GPHN: variants seen among roughly 807,000 people sequenced by gnomAD.
GPHN encodes the protein gephyrin.
GPHN carries 17 observed loss-of-function variants against 95.5 expected under a neutral mutation model. The ratio of observed to expected loss-of-function variants is 0.18; its 90% CI spans 0.12 to 0.27. The LOEUF (loss-of-function observed/expected upper bound fraction) is 0.27, where lower values mean the gene tolerates loss of function less well. Ranked by LOEUF, GPHN falls within the 10% of genes least tolerant of loss-of-function variation. The pLI is 1.00. For missense variants in GPHN, 660 were observed against 978.1 expected, an observed-to-expected ratio of 0.67 and a Z score of 4.34; for synonymous variants, 320 against 322.5, an observed-to-expected ratio of 0.99 and a Z score of 0.08.
chr14:67,668,777 A>G, the GPHN span, among the ~76,000 whole-genome samples: 1 of 152,212 alleles, frequency 6.6e-6, no homozygotes, highest in African/African-American at 2.4e-5. Context: ...TTCTGATTCA[A>G]TAGGTCTGGG....
At chr14:67,717,584 G>C in the GPHN span, among the ~76,000 whole-genome samples, 1 of 152,212 alleles carries the variant, frequency 6.6e-6, no homozygotes, top group Non-Finnish European at 1.5e-5. Flanking sequence ...ACATTCTGGA[G>C]GGCAGTGGTT....
the GPHN span, among the ~76,000 whole-genome samples, chr14:67,235,970 G>T: frequency 3.3e-5 from 5 of 151,846 alleles, no homozygotes; most frequent in Admixed American, 3.3e-4. Flanking sequence ...AAATTAAATT[G>T]ATAAAAATTA....
chr14:66,763,933 G>C (rs1196537245), intron 2 of GPHN, among the ~76,000 whole-genome samples: 1 of 152,170 alleles, frequency 6.6e-6, no homozygotes, highest in Non-Finnish European at 1.5e-5. Flanking sequence ...GACCTACATT[G>C]TGTGCGCCTT....
At chr14:67,390,257 A>T in the GPHN span, among the ~76,000 whole-genome samples, 3 of 152,236 alleles carry the variant, frequency 2.0e-5, no homozygotes, top group African/African-American at 7.2e-5. Flanking sequence ...TTCAAAACAT[A>T]GGTGGGGAAA....
chr14:67,703,539 G>A, the GPHN span, among the ~76,000 whole-genome samples: 2 of 152,180 alleles, frequency 1.3e-5, no homozygotes, highest in African/African-American at 2.4e-5. Flanking sequence ...GAGGTAGACA[G>A]AGAACTTAGA....
the GPHN span, among the ~76,000 whole-genome samples, chr14:67,371,446 G>A: frequency 3.3e-5 from 5 of 151,846 alleles, no homozygotes; most frequent in Non-Finnish European, 7.4e-5. Flanking sequence ...TTAAGGAGGC[G>A]GGAACACTTT....
chr14:67,432,999 CTTG>C, the GPHN span, among the ~76,000 whole-genome samples: 1 of 152,192 alleles, frequency 6.6e-6, no homozygotes, highest in Non-Finnish European at 1.5e-5. Context: ...TTCTGAGCTT[CTTG>C]TTGAGCTTGA....
At chr14:67,320,162 A>C in the GPHN span, 2 of 1,420,496 alleles carry the variant, frequency 1.4e-6, no homozygotes, top group Admixed American at 2.4e-5. Flanking sequence ...GTGAAGATCT[A>C]TGAGTATTTA....
Position 66,845,198 on chromosome 14 carries a change from A to T in GPHN, c.294+20632A>T, listed in dbSNP as rs538911174. ...CTCCTACAAACATTGGCATGCAAGTATCTGTTTTTCTTTTGGTTATATAAC... is the reference window on the plus strand; with the variant it reads ...CTCCTACAAACATTGGCATGCAAGTTTCTGTTTTTCTTTTGGTTATATAAC... On this transcript the variant is annotated intron_variant, in intron 4 of 22. Transcript: ENST00000478722. 2.4e-3 allele frequency among the ~76,000 whole-genome samples: 365 copies of T among 152,324 alleles called. 4 individuals carry two copies. Among genetic ancestry groups the T allele is most frequent in the African/African-American group, 8.3e-3 (344 of 41,568 alleles).
In GPHN at chr14:67,125,711, G is replaced by A. The variant is rs564864082; in HGVS notation, c.1748+3334G>A. On this transcript the variant is annotated intron_variant, in intron 17 of 22. Coordinates refer to ENST00000478722, the MANE Select transcript of GPHN (RefSeq NM_020806.5). Reference sequence around the variant, plus strand: ...GGAATCGCTTGAATGTGGGAGGTGGGGGTTGCAGTGAGCCAACATCGTGCC... The same window carrying A: ...GGAATCGCTTGAATGTGGGAGGTGGAGGTTGCAGTGAGCCAACATCGTGCC... Among the ~76,000 whole-genome samples the A allele has an allele frequency of 5.8e-3, 875 of 151,852 alleles. 14 individuals carry two copies. The highest frequency in any genetic ancestry group is 0.02 in the African/African-American group (832 of 41,402).
chr14:67,225,281 TAA>T, the GPHN span: 3 of 1,464,404 alleles, frequency 2.0e-6, no homozygotes, highest in East Asian at 5.1e-5. Flanking sequence ...TTTTTAATTA[TAA>T]GTCTCTATAG....
chr14:67,528,964 T>C, the GPHN span, among the ~76,000 whole-genome samples: 3 of 152,126 alleles, frequency 2.0e-5, no homozygotes, highest in East Asian at 1.9e-4. Context: ...CACCTCCTCA[T>C]TGGAATCCTT....
the GPHN span, among the ~76,000 whole-genome samples, chr14:67,720,006 A>G: frequency 1.3e-5 from 2 of 152,168 alleles, no homozygotes; most frequent in African/African-American, 4.8e-5. Flanking sequence ...AGACATTACA[A>G]CACTTCTCTC....
At chr14:67,473,726 C>G in the GPHN span, 7 of 1,610,314 alleles carry the variant, frequency 4.3e-6, 1 homozygote, top group African/African-American at 8.0e-5. The surrounding 1 kb of genome is among the most constrained non-coding windows in gnomAD (Gnocchi z 6.5). Flanking sequence ...GGCCGCGCAG[C>G]CGCAGGTACA....
chr14:67,361,966 T>C, the GPHN span, among the ~76,000 whole-genome samples: 1 of 152,174 alleles, frequency 6.6e-6, no homozygotes, highest in African/African-American at 2.4e-5. Context: ...TGCTTGCTAG[T>C]TTGTTTCCCA....
At chr14:67,524,693 T>A in the GPHN span, among the ~76,000 whole-genome samples, 1 of 152,228 alleles carries the variant, frequency 6.6e-6, no homozygotes, top group Non-Finnish European at 1.5e-5. Context: ...TGTCTGCTCC[T>A]TCAAGCCTTG....
chr14:67,340,537 T>A, the GPHN span: 37 of 1,503,574 alleles, frequency 2.5e-5, no homozygotes, highest in East Asian at 3.0e-4. Context: ...AAAAAAAAAA[T>A]AATATGTGTG....
chr14:67,286,886 T>G, the GPHN span, among the ~76,000 whole-genome samples: 2 of 148,476 alleles, frequency 1.3e-5, no homozygotes, highest in African/African-American at 5.0e-5. Context: ...AAAAAAACTG[T>G]TCTTGAATAA....
At chr14:67,517,075 G>A in the GPHN span, among the ~76,000 whole-genome samples, 2 of 152,220 alleles carry the variant, frequency 1.3e-5, no homozygotes, top group East Asian at 3.8e-4. Context: ...AAGGGAGAGA[G>A]TCAGGGCTAC....
Sources: gnomAD v4.1 joint callset for allele counts (sites outside exome capture counted in the v4.1 genomes callset) on GRCh38, gnomAD v4.1.1 for gene constraint, Gnocchi (gnomAD v3.1) non-coding constraint, MANE v1.5 for transcripts, NCBI Gene and HGNC (gene_info 2026-07-23, HGNC 2026-07-21) for gene names.